PDSS1: variants seen among roughly 807,000 people sequenced by gnomAD.
PDSS1 encodes decaprenyl diphosphate synthase subunit 1.
PDSS1 carries 43 observed loss-of-function variants against 57.5 expected under a neutral mutation model. That is an observed-to-expected ratio of 0.75 (90% CI 0.59 to 0.96). The LOEUF (loss-of-function observed/expected upper bound fraction) is 0.96, where lower values mean the gene tolerates loss of function less well. PDSS1 is among the 50% of genes least tolerant of loss of function. The probability of loss-of-function intolerance (pLI) is 0.00; values close to 1 mark genes in which losing one functional copy is unlikely to be tolerated. For synonymous variants in PDSS1, 175 were observed against 191.3 expected (o/e 0.91, Z 0.70); for missense variants, 438 against 527.8 (o/e 0.83, Z 1.67).
intron 1 of PDSS1, among the ~76,000 whole-genome samples, chr10:26,698,904 G>A (rs943087303): frequency 3.3e-5 from 5 of 152,258 alleles, no homozygotes; most frequent in African/African-American, 1.2e-4. Context: ...TGGGAGAATC[G>A]GTTGAGGCCA....
At chr10:26,732,168 G>C (rs1185256295) in intron 8 of PDSS1, among the ~76,000 whole-genome samples, 2 of 152,272 alleles carry the variant, frequency 1.3e-5, no homozygotes, top group African/African-American at 4.8e-5. Context: ...CTGAGCGCAA[G>C]TCTGTGCACC....
chr10:26,704,593 A>G, intron 2 of PDSS1, 84 bp from the exon 3 acceptor site: 1 of 756,190 alleles, frequency 1.3e-6, no homozygotes, highest in South Asian at 1.5e-5. Context: ...GAAGATAAAG[A>G]TTATAATTAT....
At chr10:26,742,457 A>G (rs1836654749) in intron 10 of PDSS1, 40 bp from the exon 11 acceptor site, 1 of 1,420,390 alleles carries the variant, frequency 7.0e-7, no homozygotes, top group African/African-American at 1.5e-5. Context: ...CCCAAGAGAA[A>G]TAAATAGATT....
chr10:26,739,294 A>G (rs1836506856), intron 10 of PDSS1, among the ~76,000 whole-genome samples: 1 of 152,098 alleles, frequency 6.6e-6, no homozygotes, highest in South Asian at 2.1e-4. Flanking sequence ...TGGTTTTCCT[A>G]CTCTTAAAAA....
intron 5 of PDSS1, among the ~76,000 whole-genome samples, chr10:26,719,771 C>CA (rs879371769): frequency 1.3e-5 from 2 of 152,008 alleles, no homozygotes; most frequent in Non-Finnish European, 2.9e-5. Flanking sequence ...GTCTCAAAAA[C>CA]AAAAAAGACA....
intron 5 of PDSS1, chr10:26,715,917 A>G (rs915650045): frequency 6.6e-6 from 1 of 152,244 alleles, no homozygotes; most frequent in Non-Finnish European, 1.5e-5. Flanking sequence ...TGAACCCTGC[A>G]TCATTTATGA....
At chr10:26,741,320 A>G (rs997101783) in intron 10 of PDSS1, among the ~76,000 whole-genome samples, 1 of 152,070 alleles carries the variant, frequency 6.6e-6, no homozygotes, top group Non-Finnish European at 1.5e-5. Flanking sequence ...CCCTGTCTCT[A>G]CTAACAGTAC....
chr10:26,746,589 A>AAAC lies in PDSS1; in HGVS notation c.*117_*119dup, dbSNP rs1388470270. The stretch of plus-strand genomic sequence containing the variant: ...ACCAAAAATCATTTTAAAAGATATC[A>AAAC]AACTTATTGATGGGCAATTTATTTT... On this transcript the variant is annotated 3_prime_UTR_variant, in exon 12 of 12. Transcript: ENST00000376215. The AAAC allele has an allele frequency of 3.6e-6, 4 of 1,123,510 alleles. No homozygotes were observed. Among genetic ancestry groups the AAAC allele is most frequent in the Non-Finnish European group, 5.2e-6 (4 of 764,940 alleles). The allele number at this position is 1,123,510 out of a possible 1,614,324, so 69.6% of individuals were successfully genotyped here. A position where few individuals can be genotyped will look rare whatever the true frequency, so the allele number is the denominator to read the frequency against.
intron 10 of PDSS1, among the ~76,000 whole-genome samples, chr10:26,738,304 T>C (rs1482049795): frequency 6.6e-6 from 1 of 152,248 alleles, no homozygotes; most frequent in Admixed American, 6.5e-5. Flanking sequence ...ATGGTGTTTA[T>C]TCTGCAAGTA....
intron 10 of PDSS1, among the ~76,000 whole-genome samples, chr10:26,741,910 CGTT>C (rs898740491): frequency 6.6e-6 from 1 of 152,150 alleles, no homozygotes; most frequent in Non-Finnish European, 1.5e-5. Context: ...GAGTTTCACT[CGTT>C]GTCCAAGGTA....
chr10:26,715,985 G>A (rs569062013), intron 5 of PDSS1, among the ~76,000 whole-genome samples: 2 of 152,322 alleles, frequency 1.3e-5, no homozygotes, highest in Admixed American at 1.3e-4. Flanking sequence ...TTCAGGGGTT[G>A]CTGCTTTTAG....
chr10:26,717,429 G>C (rs12242741), intron 5 of PDSS1, among the ~76,000 whole-genome samples: 3,130 of 152,198 alleles, frequency 0.021, 108 homozygotes, highest in African/African-American at 0.07. Flanking sequence ...ACGTGGTTTC[G>C]TCATGTTGGC....
chr10:26,720,856 A>C (rs1835757422), intron 6 of PDSS1, among the ~76,000 whole-genome samples: 1 of 152,226 alleles, frequency 6.6e-6, no homozygotes, highest in Admixed American at 6.5e-5. Flanking sequence ...ATATTAAAGC[A>C]TATTTCTATA....
At chr10:26,718,078 C>T (rs1835655899) in intron 5 of PDSS1, 1 of 151,800 alleles carries the variant, frequency 6.6e-6, no homozygotes, top group East Asian at 1.9e-4. Flanking sequence ...AATGAAGTCT[C>T]TGTCACCCAG....
intron 6 of PDSS1, among the ~76,000 whole-genome samples, chr10:26,722,223 A>G (rs1182197687): frequency 1.3e-5 from 2 of 152,218 alleles, no homozygotes; most frequent in Non-Finnish European, 2.9e-5. Context: ...AATTTGTAAA[A>G]TGACTTTATA....
chr10:26,697,942 C>CG, intron 1 of PDSS1, 102 bp downstream of exon 1: 1 of 1,049,722 alleles, frequency 9.5e-7, no homozygotes, highest in Admixed American at 4.6e-5. Context: ...CGTCGCGACG[C>CG]GGGGGCGCGC....
chr10:26,741,755 A>G (rs1393320329), intron 10 of PDSS1, among the ~76,000 whole-genome samples: 1 of 152,194 alleles, frequency 6.6e-6, no homozygotes, highest in African/African-American at 2.4e-5. Flanking sequence ...CACCTGTTAG[A>G]TGGTGGCATC....
intron 8 of PDSS1, among the ~76,000 whole-genome samples, chr10:26,729,522 A>T (rs1469553280): frequency 6.6e-6 from 1 of 152,142 alleles, no homozygotes; most frequent in Non-Finnish European, 1.5e-5. Context: ...CCCCTTCCCA[A>T]ACAGTGAGAG....
At chr10:26,707,226 A>G (rs1015647358) in intron 4 of PDSS1, among the ~76,000 whole-genome samples, 3 of 152,148 alleles carry the variant, frequency 2.0e-5, no homozygotes, top group South Asian at 4.1e-4. Context: ...TCCTAGAAGG[A>G]CATACACCAA....
Sources: gnomAD v4.1 joint callset for allele counts (sites outside exome capture counted in the v4.1 genomes callset) on GRCh38, gnomAD v4.1.1 for gene constraint, MANE v1.5 for transcripts, NCBI Gene and HGNC (gene_info 2026-07-23, HGNC 2026-07-21) for gene names.